Variants in TAMM41 observed in about 807,000 individuals in gnomAD.
The protein encoded by TAMM41 is phosphatidate cytidylyltransferase, mitochondrial.
In TAMM41, 36 loss-of-function variants were observed where a neutral mutation model predicts 44.1. The ratio of observed to expected loss-of-function variants is 0.82; its 90% confidence interval spans 0.63 to 1.08. The LOEUF (loss-of-function observed/expected upper bound fraction) is 1.08, where lower values mean the gene tolerates loss of function less well. TAMM41 is among the 50% of genes least tolerant of loss of function. The pLI is 0.00. For missense variants in TAMM41, 417 were observed against 404.3 expected, an observed-to-expected ratio of 1.03 and a Z score of -0.27; for synonymous variants, 164 against 153.1, an observed-to-expected ratio of 1.07 and a Z score of -0.53.
At chr3:11,790,774 C>T (rs980499827) in intron 7 of TAMM41, among the ~76,000 whole-genome samples, 193 bp from the exon 8 acceptor site, 5 of 152,184 alleles carry the variant, frequency 3.3e-5, no homozygotes, top group East Asian at 1.9e-4. Flanking sequence ...ATTCTGATTT[C>T]GGCATTTTCC....
the TAMM41 span, among the ~76,000 whole-genome samples, chr3:11,759,269 T>C: frequency 6.6e-6 from 1 of 152,072 alleles, no homozygotes; most frequent in Non-Finnish European, 1.5e-5. Context: ...GATCGCCATC[T>C]AAGAGCTTAG....
At chr3:11,724,010 G>GT in the TAMM41 span, among the ~76,000 whole-genome samples, 1 of 151,432 alleles carries the variant, frequency 6.6e-6, no homozygotes, top group African/African-American at 2.4e-5. Flanking sequence ...ATGGGGGGGG[G>GT]TGACACTACT....
At chr3:11,771,959 T>A in the TAMM41 span, among the ~76,000 whole-genome samples, 1 of 152,216 alleles carries the variant, frequency 6.6e-6, no homozygotes, top group Non-Finnish European at 1.5e-5. Flanking sequence ...GTGTATATTG[T>A]GTAGTGGTGT....
the TAMM41 span, among the ~76,000 whole-genome samples, chr3:11,735,836 C>T: frequency 3.9e-5 from 6 of 151,960 alleles, no homozygotes; most frequent in African/African-American, 9.7e-5. Context: ...ATGTGCCAGG[C>T]GAGGGCGCAG....
chr3:11,749,379 T>C, the TAMM41 span, among the ~76,000 whole-genome samples: 3 of 152,180 alleles, frequency 2.0e-5, no homozygotes, highest in Non-Finnish European at 2.9e-5. Context: ...ACTGGAATCT[T>C]GTATTCATAA....
chr3:11,822,779 T>A (rs2078574757), intron 4 of TAMM41, among the ~76,000 whole-genome samples: 6 of 152,256 alleles, frequency 3.9e-5, no homozygotes, highest in Admixed American at 2.0e-4. Flanking sequence ...TATTTATCCA[T>A]TTCTCAGTTG....
At chr3:11,797,498 A>G (rs2077634057) in intron 7 of TAMM41, among the ~76,000 whole-genome samples, 1 of 152,238 alleles carries the variant, frequency 6.6e-6, no homozygotes, top group South Asian at 2.1e-4. Context: ...AATTAAGTCA[A>G]GATGGATTAA....
the TAMM41 span, among the ~76,000 whole-genome samples, chr3:11,728,721 CAG>C: frequency 6.6e-6 from 1 of 152,036 alleles, no homozygotes; most frequent in Non-Finnish European, 1.5e-5. Context: ...TTAAACCTGA[CAG>C]GGAGGCCAGG....
At chr3:11,813,676 C>A (rs981270619) in intron 5 of TAMM41, among the ~76,000 whole-genome samples, 4 of 151,922 alleles carry the variant, frequency 2.6e-5, no homozygotes, top group African/African-American at 9.7e-5. Context: ...GAGCCAGGAA[C>A]GGTGGCTCTT....
chr3:11,735,321 G>A, the TAMM41 span, among the ~76,000 whole-genome samples: 1 of 152,154 alleles, frequency 6.6e-6, no homozygotes, highest in African/African-American at 2.4e-5. Flanking sequence ...CTGCGCCACT[G>A]CATTCCAGCC....
At chr3:11,753,454 G>T in the TAMM41 span, among the ~76,000 whole-genome samples, 1 of 152,026 alleles carries the variant, frequency 6.6e-6, no homozygotes, top group Non-Finnish European at 1.5e-5. Context: ...GCCAGGTGCA[G>T]TGGCTCACGC....
chr3:11,742,285 T>C, the TAMM41 span, among the ~76,000 whole-genome samples: 2 of 150,290 alleles, frequency 1.3e-5, 1 homozygote, highest in African/African-American at 5.0e-5. Context: ...ACCAATCTGT[T>C]TTCCATTCCT....
At chr3:11,818,833 G>A (rs1478950860) in intron 4 of TAMM41, among the ~76,000 whole-genome samples, 1 of 150,212 alleles carries the variant, frequency 6.7e-6, no homozygotes, top group Admixed American at 6.6e-5. Flanking sequence ...AGGAGGCAGA[G>A]CTTGCAGTGA....
the TAMM41 span, among the ~76,000 whole-genome samples, chr3:11,725,594 A>G: frequency 6.6e-6 from 1 of 152,012 alleles, no homozygotes; most frequent in Non-Finnish European, 1.5e-5. Context: ...ATATACCACC[A>G]TGCCCGGCTA....
chr3:11,742,342 T>C, the TAMM41 span, among the ~76,000 whole-genome samples: 1 of 150,400 alleles, frequency 6.6e-6, no homozygotes, highest in Non-Finnish European at 1.5e-5. Flanking sequence ...TCATACAGTA[T>C]GCAACCTTAT....
chr3:11,844,459 G>A (rs918805586), intron 1 of TAMM41, among the ~76,000 whole-genome samples: 6 of 152,128 alleles, frequency 3.9e-5, no homozygotes, highest in Admixed American at 2.0e-4. Flanking sequence ...GGTAACATAC[G>A]CAGTCACTCC....
chr3:11,732,078 T>G, the TAMM41 span, among the ~76,000 whole-genome samples: 75,298 of 151,738 alleles, frequency 0.5, 19,257 homozygotes, highest in East Asian at 0.66. Context: ...TGTTGCCCAG[T>G]CTGGTCTCAA....
At chr3:11,842,686 C>A (rs2125067470) in intron 2 of TAMM41, among the ~76,000 whole-genome samples, 1 of 147,870 alleles carries the variant, frequency 6.8e-6, no homozygotes, top group South Asian at 2.2e-4. Flanking sequence ...AGAGCCAGAC[C>A]CTGTTTCAAA....
At chr3:11,787,418 A>C (rs556601455), downstream of TAMM41, among the ~76,000 whole-genome samples, 1 of 152,284 alleles carries the variant, frequency 6.6e-6, no homozygotes, top group East Asian at 1.9e-4. Flanking sequence ...CAGCGTCCTG[A>C]TGTGCAGATT....
Sources: gnomAD v4.1 joint callset for allele counts (sites outside exome capture counted in the v4.1 genomes callset) on GRCh38, gnomAD v4.1.1 for gene constraint, MANE v1.5 for transcripts, NCBI Gene and HGNC (gene_info 2026-07-23, HGNC 2026-07-21) for gene names.